The following AFG2A variants were observed in gnomAD, a reference collection of about 807,000 sequenced individuals.
AFG2A encodes the protein AAA ATPase AFG2A, also known as ATPase family gene 2 protein homolog A.
chr4:123,311,876 T>G, the AFG2A span, among the ~76,000 whole-genome samples: 6 of 152,214 alleles, frequency 3.9e-5, no homozygotes, highest in Non-Finnish European at 7.3e-5. Flanking sequence ...TACTGTGTGT[T>G]GAGAGTGAAA....
At chr4:123,056,905 TCA>T in the AFG2A span, among the ~76,000 whole-genome samples, 5,203 of 152,308 alleles carry the variant, frequency 0.034, 290 homozygotes, top group African/African-American at 0.12. Flanking sequence ...CTGCTGAAAG[TCA>T]CACAGTTACT....
At chr4:123,052,124 A>G in the AFG2A span, among the ~76,000 whole-genome samples, 5 of 151,802 alleles carry the variant, frequency 3.3e-5, no homozygotes, top group East Asian at 9.7e-4. Context: ...TAAACCGTTC[A>G]TTTCTTTTCA....
At chr4:122,998,144 A>T in the AFG2A span, among the ~76,000 whole-genome samples, 21 of 152,220 alleles carry the variant, frequency 1.4e-4, no homozygotes, top group Middle Eastern at 3.4e-3. Context: ...TTTAAAAAAA[A>T]TTTTTGATTA....
At chr4:123,117,794 T>C in the AFG2A span, among the ~76,000 whole-genome samples, 1 of 152,102 alleles carries the variant, frequency 6.6e-6, no homozygotes, top group East Asian at 1.9e-4. Context: ...AAGGTGTCTC[T>C]TTGGTGGAGA....
At chr4:122,923,964 G>C in the AFG2A span, among the ~76,000 whole-genome samples, 1 of 152,212 alleles carries the variant, frequency 6.6e-6, no homozygotes, top group Non-Finnish European at 1.5e-5. Flanking sequence ...CAGCTCCTTT[G>C]ATTTGGGAGA....
At chr4:123,279,620 T>C in the AFG2A span, among the ~76,000 whole-genome samples, 91 of 152,340 alleles carry the variant, frequency 6.0e-4, 1 homozygote, top group South Asian at 4.3e-3. Flanking sequence ...CCTAGGGTCA[T>C]TGTGAAGATT....
chr4:122,954,986 A>G, the AFG2A span, among the ~76,000 whole-genome samples: 2 of 151,702 alleles, frequency 1.3e-5, no homozygotes, highest in African/African-American at 4.8e-5. Flanking sequence ...TCCTGATCTT[A>G]CGGTCTCGGT....
chr4:123,292,035 C>T, the AFG2A span, among the ~76,000 whole-genome samples: 16 of 152,116 alleles, frequency 1.1e-4, no homozygotes, highest in African/African-American at 3.9e-4. Context: ...TATATAATCT[C>T]ATATTTCTTG....
the AFG2A span, among the ~76,000 whole-genome samples, chr4:122,994,955 T>G: frequency 6.6e-6 from 1 of 152,154 alleles, no homozygotes; most frequent in Non-Finnish European, 1.5e-5. Flanking sequence ...TATTTTCACC[T>G]GGCACCTTTT....
the AFG2A span, among the ~76,000 whole-genome samples, chr4:123,258,158 C>T: frequency 6.6e-6 from 1 of 152,270 alleles, no homozygotes; most frequent in Admixed American, 6.5e-5. Context: ...TATATTATTA[C>T]AACTTCATAG....
At chr4:123,278,979 C>G in the AFG2A span, among the ~76,000 whole-genome samples, 9 of 152,110 alleles carry the variant, frequency 5.9e-5, no homozygotes, top group Non-Finnish European at 1.3e-4. Context: ...AAACCTTAAT[C>G]TGTATATTTC....
At chr4:123,177,192 ATT>A in the AFG2A span, among the ~76,000 whole-genome samples, 10 of 130,228 alleles carry the variant, frequency 7.7e-5, no homozygotes, top group East Asian at 2.2e-4. Flanking sequence ...GCTTGATTTG[ATT>A]TTTTTTTTTT....
the AFG2A span, among the ~76,000 whole-genome samples, chr4:122,925,001 A>G: frequency 6.6e-6 from 1 of 152,188 alleles, no homozygotes. Flanking sequence ...GCACTGTACA[A>G]TAACTCTTCT....
chr4:123,071,543 A>G, the AFG2A span, among the ~76,000 whole-genome samples: 1 of 152,156 alleles, frequency 6.6e-6, no homozygotes, highest in Non-Finnish European at 1.5e-5. Context: ...TCAAAACTAT[A>G]CAAATGTAAT....
the AFG2A span, among the ~76,000 whole-genome samples, chr4:123,041,225 C>T: frequency 1.3e-5 from 2 of 151,308 alleles, no homozygotes; most frequent in African/African-American, 4.8e-5. Context: ...ATTCTTCTGC[C>T]TCAGCTTCCC....
chr4:123,293,763 A>C, the AFG2A span, among the ~76,000 whole-genome samples: 2 of 152,230 alleles, frequency 1.3e-5, no homozygotes, highest in Non-Finnish European at 2.9e-5. Flanking sequence ...ACAAGGGCAG[A>C]GACACTCTGC....
chr4:122,945,357 C>T, the AFG2A span, among the ~76,000 whole-genome samples: 1 of 152,238 alleles, frequency 6.6e-6, no homozygotes, highest in Admixed American at 6.5e-5. Context: ...GGCGGGCGCC[C>T]CTCCCCCAGC....
At chr4:123,014,024 G>A in the AFG2A span, among the ~76,000 whole-genome samples, 1 of 152,136 alleles carries the variant, frequency 6.6e-6, no homozygotes, top group African/African-American at 2.4e-5. Flanking sequence ...TATTCCATAT[G>A]ATTGACTTAA....
the AFG2A span, among the ~76,000 whole-genome samples, chr4:123,089,108 T>C: frequency 2.0e-5 from 3 of 152,218 alleles, no homozygotes; most frequent in African/African-American, 7.2e-5. Flanking sequence ...ATTAGCGTTG[T>C]GATTTGTATG....
Sources: gnomAD v4.1 joint callset for allele counts (sites outside exome capture counted in the v4.1 genomes callset) on GRCh38, gnomAD v4.1.1 for gene constraint, MANE v1.5 for transcripts, NCBI Gene and HGNC (gene_info 2026-07-23, HGNC 2026-07-21) for gene names.